Variants in HS6ST3 observed in about 807,000 individuals in gnomAD.
The protein encoded by HS6ST3 is heparan sulfate 6-O-sulfotransferase 3.
In HS6ST3, 12 loss-of-function variants were observed where a neutral mutation model predicts 36.7. The ratio of observed to expected loss-of-function variants is 0.33; its 90% CI spans 0.21 to 0.53. The LOEUF (loss-of-function observed/expected upper bound fraction) is 0.53, where lower values mean the gene tolerates loss of function less well. Among genes scored for constraint, HS6ST3 ranks in the 20% least tolerant of loss-of-function variants. The probability of loss-of-function intolerance (pLI) is 0.95; values close to 1 mark genes in which losing one functional copy is unlikely to be tolerated. For synonymous variants in HS6ST3, 240 were observed against 257.5 expected, an observed-to-expected ratio of 0.93 and a Z score of 0.65; for missense variants, 584 against 640.9, an observed-to-expected ratio of 0.91 and a Z score of 0.96.
chr13:96,487,578 G>C (rs1331499776), intron 1 of HS6ST3, among the ~76,000 whole-genome samples: 2 of 152,020 alleles, frequency 1.3e-5, no homozygotes, highest in Non-Finnish European at 2.9e-5. Flanking sequence ...ACTAACTGAT[G>C]GCCTCCAGTT....
At chr13:96,141,468 C>A (rs2054031763) in intron 1 of HS6ST3, among the ~76,000 whole-genome samples, 1 of 152,080 alleles carries the variant, frequency 6.6e-6, no homozygotes, top group Non-Finnish European at 1.5e-5. Context: ...ATCCTCCCAC[C>A]TCAGCCTCCC....
chr13:96,245,798 A>C (rs1476289435), intron 1 of HS6ST3, among the ~76,000 whole-genome samples: 1 of 152,136 alleles, frequency 6.6e-6, no homozygotes, highest in Non-Finnish European at 1.5e-5. Context: ...TTGGGTTTTT[A>C]GATGCAAAAG....
intron 1 of HS6ST3, among the ~76,000 whole-genome samples, chr13:96,716,020 C>T (rs949609888): frequency 4.0e-5 from 6 of 151,674 alleles, no homozygotes; most frequent in Admixed American, 6.6e-5. Flanking sequence ...CTGTGGTATA[C>T]TAAAAATCAA....
chr13:96,117,448 A>G (rs2053899125), intron 1 of HS6ST3, among the ~76,000 whole-genome samples: 1 of 152,236 alleles, frequency 6.6e-6, no homozygotes, highest in African/African-American at 2.4e-5. Context: ...TTTAACACCA[A>G]AGAGGAAGAA....
chr13:96,417,272 A>T lies in HS6ST3; in HGVS notation c.707+325703A>T, dbSNP rs75304363. On this transcript the variant is annotated intron_variant, in intron 1 of 1. Transcript: ENST00000376705. ...ACAAGGTACCTGTGCAAGGAGCTGG[A>T]GGTTTAGAGCAAAACAAAGATCTCT... Among the ~76,000 whole-genome samples the T allele has an allele frequency of 7.2e-5, 11 of 152,270 alleles. No homozygotes were observed. The East Asian group carries it at 1.9e-3, about 27-fold the overall frequency.
intron 1 of HS6ST3, among the ~76,000 whole-genome samples, chr13:96,309,215 T>C (rs575441605): frequency 6.6e-6 from 1 of 152,234 alleles, no homozygotes. Context: ...CACTTAGCCA[T>C]ACATTTTTGA....
At position 96,782,635 on chromosome 13, in the gene HS6ST3, G is replaced by A. The variant is rs769366871; in HGVS notation, c.708-49855G>A. Among the ~76,000 whole-genome samples, 15 of 152,056 alleles carry A rather than the reference G, an allele frequency of 9.9e-5. 1 individual carries two copies. The highest frequency in any genetic ancestry group is 1.9e-4 in the Non-Finnish European group (13 of 68,018). Reference sequence around the variant, plus strand: ...TTTGCCCTTAAGTTCCCCGTGCCTGGCTTTTTCATTGCTTATCCTTGCCCT... The same window carrying A: ...TTTGCCCTTAAGTTCCCCGTGCCTGACTTTTTCATTGCTTATCCTTGCCCT... On this transcript the variant is annotated intron_variant, in intron 1 of 1. Coordinates refer to ENST00000376705, the MANE Select transcript of HS6ST3 (RefSeq NM_153456.4).
Position 96,834,233 on chromosome 13 carries a change from G to A in HS6ST3, c.*1035G>A, listed in dbSNP as rs1003439311. On this transcript the variant is annotated 3_prime_UTR_variant, in exon 2 of 2. Transcript: ENST00000376705. ...GGCCCAAAGAATAGGAACTTAGCTA[G>A]CATGTATACAAAATATATTTGAGGT... 6.6e-6 allele frequency: 1 copy of A among 152,166 alleles called. No homozygotes were observed. The highest frequency in any genetic ancestry group is 2.4e-5 in the African/African-American group (1 of 41,442). The allele number at this position is 152,166 out of a possible 1,614,324, so 9.4% of individuals were successfully genotyped here.
chr13:96,767,461 T>G (rs1208810351), intron 1 of HS6ST3, among the ~76,000 whole-genome samples: 2 of 152,234 alleles, frequency 1.3e-5, no homozygotes, highest in Non-Finnish European at 2.9e-5. Context: ...AAAAAATGGC[T>G]TTGGTATGTA....
intron 1 of HS6ST3, among the ~76,000 whole-genome samples, chr13:96,371,485 T>G (rs2055289913): frequency 6.6e-6 from 1 of 152,160 alleles, no homozygotes; most frequent in Admixed American, 6.5e-5. Flanking sequence ...TGAGCCTACT[T>G]AAGATCTCTC....
rs191520384 is a variant in HS6ST3 at position 96,693,701 on chromosome 13, C to T, written c.708-138789C>T. ...AATGATGATTGACTGTAAGCAGAAC[C>T]TAGGAGGAATTAGGCAGAGTCGGTG... is the stretch of plus-strand genomic sequence containing the variant. On this transcript the variant is annotated intron_variant, in intron 1 of 1. Transcript: ENST00000376705. 5.3e-5 allele frequency among the ~76,000 whole-genome samples: 8 copies of T among 152,248 alleles called. No individual in the cohort carries two copies. The East Asian group carries it at 1.5e-3, about 29-fold the overall frequency.
intron 1 of HS6ST3, among the ~76,000 whole-genome samples, chr13:96,330,076 C>T (rs796170126): frequency 6.9e-6 from 1 of 144,218 alleles, no homozygotes; most frequent in African/African-American, 2.6e-5. Context: ...CTATGTGTGT[C>T]TCTGCATGTG....
At chr13:96,416,079 G>T (rs948871868) in intron 1 of HS6ST3, among the ~76,000 whole-genome samples, 1 of 152,154 alleles carries the variant, frequency 6.6e-6, no homozygotes, top group Non-Finnish European at 1.5e-5. Flanking sequence ...TGCTATTTTG[G>T]ATGATCAAGC....
At chr13:96,563,274 A>T (rs1407895090) in intron 1 of HS6ST3, among the ~76,000 whole-genome samples, 1 of 152,170 alleles carries the variant, frequency 6.6e-6, no homozygotes, top group Non-Finnish European at 1.5e-5. Context: ...AGCCTATTAC[A>T]CTTAAGTATA....
rs529548343 is a variant in HS6ST3, at chr13:96,117,077, A to G, written c.707+25508A>G. ...TAAATAATTTAGCCTAGTTTTTAGGATTGCACATTTAAGATTGTGAAATAA... is the reference window on the plus strand; with the variant it reads ...TAAATAATTTAGCCTAGTTTTTAGGGTTGCACATTTAAGATTGTGAAATAA... On this transcript the variant is annotated intron_variant, in intron 1 of 1. Transcript: ENST00000376705. Among the ~76,000 whole-genome samples the G allele has an allele frequency of 3.9e-5, 6 of 152,338 alleles. No homozygotes were observed. In the South Asian group the frequency reaches 1.0e-3, roughly 26 times the overall value.
chr13:96,345,673 G>A (rs2055150688), intron 1 of HS6ST3, among the ~76,000 whole-genome samples: 1 of 152,080 alleles, frequency 6.6e-6, no homozygotes, highest in East Asian at 1.9e-4. Context: ...ACTTTTCCAC[G>A]GATTGGGTTG....
intron 1 of HS6ST3, among the ~76,000 whole-genome samples, chr13:96,284,186 T>G (rs1015266448): frequency 3.3e-5 from 5 of 152,108 alleles, no homozygotes; most frequent in African/African-American, 1.2e-4. Flanking sequence ...TTTGGTTGTG[T>G]ATGAGTCAGG....
intron 1 of HS6ST3, among the ~76,000 whole-genome samples, chr13:96,722,535 C>T (rs1875876333): frequency 6.6e-6 from 1 of 152,192 alleles, no homozygotes; most frequent in Non-Finnish European, 1.5e-5. Context: ...AGAAAGAACA[C>T]ATGGGTGTTC....
At chr13:96,143,182 A>G (rs1054111709) in intron 1 of HS6ST3, among the ~76,000 whole-genome samples, 3 of 151,992 alleles carry the variant, frequency 2.0e-5, no homozygotes, top group Non-Finnish European at 2.9e-5. Context: ...ATGCCTCACT[A>G]TCATTGTATA....
Sources: allele counts gnomAD v4.1 joint callset (sites outside exome capture counted in the v4.1 genomes callset), GRCh38; gene constraint gnomAD v4.1.1; transcripts MANE v1.5; gene names NCBI Gene and HGNC (gene_info 2026-07-23, HGNC 2026-07-21).